The following CACNA2D1 variants were observed in gnomAD, a reference collection of about 807,000 sequenced individuals.
The protein encoded by CACNA2D1 is voltage-dependent calcium channel subunit alpha-2/delta-1.
A neutral mutation model predicts 171.5 loss-of-function variants in CACNA2D1; 53 were observed. The observed-to-expected ratio is 0.31, with a 90% CI of 0.25 to 0.39. The LOEUF (loss-of-function observed/expected upper bound fraction) is 0.39, where lower values mean the gene tolerates loss of function less well. Among genes scored for constraint, CACNA2D1 ranks in the 10% least tolerant of loss-of-function variants. The probability of loss-of-function intolerance (pLI) is 1.00; values close to 1 mark genes in which losing one functional copy is unlikely to be tolerated. For synonymous variants in CACNA2D1, 442 were observed against 443.1 expected, an observed-to-expected ratio of 1.00 and a Z score of 0.03; for missense variants, 903 against 1,299.8, an observed-to-expected ratio of 0.69 and a Z score of 4.69.
intron 11 of CACNA2D1, among the ~76,000 whole-genome samples, chr7:82,037,746 T>C (rs1244092831): frequency 1.3e-5 from 2 of 152,112 alleles, no homozygotes; most frequent in Admixed American, 6.6e-5. Flanking sequence ...ATAAATACTG[T>C]GGTGATTGAG....
At chr7:82,375,292 C>T (rs1822892579) in intron 1 of CACNA2D1, among the ~76,000 whole-genome samples, 1 of 152,172 alleles carries the variant, frequency 6.6e-6, no homozygotes, top group African/African-American at 2.4e-5. Context: ...AATGCAGTCA[C>T]TGGTGGCTGC....
chr7:82,105,698 G>A (rs1450615200), intron 6 of CACNA2D1, among the ~76,000 whole-genome samples: 9 of 151,948 alleles, frequency 5.9e-5, no homozygotes, highest in African/African-American at 1.7e-4. Flanking sequence ...TATGAGGGAC[G>A]ATGATTACTA....
intron 1 of CACNA2D1, among the ~76,000 whole-genome samples, chr7:82,424,942 A>G (rs962963409): frequency 4.6e-5 from 7 of 152,234 alleles, no homozygotes; most frequent in Non-Finnish European, 7.3e-5. Context: ...GCTGTCTAAT[A>G]TAACACTTGT....
At chr7:82,007,811 C>T (rs1799287053) in intron 15 of CACNA2D1, 55 bp from the exon 16 acceptor site, 2 of 993,354 alleles carry the variant, frequency 2.0e-6, no homozygotes, top group Non-Finnish European at 3.2e-6. Flanking sequence ...TAAGCTTTGT[C>T]AGAGTGCACT....
rs1315006613 is a variant in CACNA2D1 at position 82,111,290 on chromosome 7, GGGTATATA to G, written c.526+5746_526+5753del. ...TATACACACACATATATATATGTCT[GGGTATATA>G]TATATATATATATATACGTGTATAT... On this transcript the variant is annotated intron_variant, in intron 6 of 38. Coordinates refer to ENST00000356860, the MANE Select transcript of CACNA2D1 (RefSeq NM_000722.4). Among the ~76,000 whole-genome samples, 94 of 75,260 alleles carry G rather than the reference GGGTATATA, an allele frequency of 1.2e-3. 1 individual carries two copies. The highest frequency in any genetic ancestry group is 9.5e-3 in the African/African-American group (90 of 9,452). The allele number at this position is 75,260 out of a possible 152,430, so 49.4% of individuals were successfully genotyped here. A position where few individuals can be genotyped will look rare whatever the true frequency, so the allele number is the denominator to read the frequency against.
intron 3 of CACNA2D1, among the ~76,000 whole-genome samples, chr7:82,289,190 A>G (rs978209921): frequency 6.6e-6 from 1 of 152,192 alleles, no homozygotes; most frequent in Non-Finnish European, 1.5e-5. Context: ...AAAGTACAAT[A>G]AGACCTAGTC....
chr7:82,063,849 TA>T (rs1807260175), intron 9 of CACNA2D1, among the ~76,000 whole-genome samples: 1 of 151,738 alleles, frequency 6.6e-6, no homozygotes, highest in Admixed American at 6.6e-5. Flanking sequence ...ATTTCACTTT[TA>T]AAAGTCCCAG....
chr7:82,001,726 AG>A, intron 18 of CACNA2D1: 2 of 1,182,452 alleles, frequency 1.7e-6, no homozygotes, highest in Non-Finnish European at 2.3e-6. Context: ...CTGAAGCAAC[AG>A]AAAAATGGTA....
At chr7:82,106,142 A>G (rs1023579704) in intron 6 of CACNA2D1, among the ~76,000 whole-genome samples, 1 of 152,188 alleles carries the variant, frequency 6.6e-6, no homozygotes. Context: ...TTTATAGTCC[A>G]TTTAAAATCT....
At chr7:82,111,284 A>G (rs1028155417) in intron 6 of CACNA2D1, among the ~76,000 whole-genome samples, 3 of 101,954 alleles carry the variant, frequency 2.9e-5, no homozygotes, top group African/African-American at 1.0e-4. Context: ...ACATATATAT[A>G]TGTCTGGGTA....
chr7:82,103,657 G>T (rs756725236), intron 6 of CACNA2D1, among the ~76,000 whole-genome samples: 12 of 132,732 alleles, frequency 9.0e-5, no homozygotes, highest in Non-Finnish European at 1.7e-4. Context: ...ATAAACATTT[G>T]TGTGTGTATA....
At chr7:82,165,342 A>G (rs1220884368) in intron 4 of CACNA2D1, among the ~76,000 whole-genome samples, 1 of 152,014 alleles carries the variant, frequency 6.6e-6, no homozygotes, top group Admixed American at 6.6e-5. Flanking sequence ...CCACTGTACT[A>G]TCACGTACTA....
chr7:82,343,851 C>T (rs1472534993), intron 2 of CACNA2D1, among the ~76,000 whole-genome samples: 1 of 152,166 alleles, frequency 6.6e-6, no homozygotes, highest in Middle Eastern at 3.2e-3. Flanking sequence ...TTTAATGTCT[C>T]TAACCCCAAA....
At chr7:82,246,864 T>C (rs969264002) in intron 3 of CACNA2D1, among the ~76,000 whole-genome samples, 15 of 152,120 alleles carry the variant, frequency 9.9e-5, no homozygotes, top group African/African-American at 1.9e-4. Context: ...CAACATATTA[T>C]TCATTCTTAC....
chr7:82,183,790 C>T (rs1311990917), intron 3 of CACNA2D1, among the ~76,000 whole-genome samples: 2 of 152,070 alleles, frequency 1.3e-5, no homozygotes, highest in Admixed American at 6.6e-5. Flanking sequence ...CTGTGGTCAA[C>T]GTACGTTACG....
chr7:82,299,905 C>G lies in CACNA2D1; in HGVS notation c.294+35230G>C, dbSNP rs1363807157. 3.9e-5 allele frequency among the ~76,000 whole-genome samples: 6 copies of G among 152,088 alleles called. No individual in the cohort carries two copies. The East Asian group carries it at 1.2e-3, about 29-fold the overall frequency. ...TCATTCAGTAAATATTTATAGAACACCCACTATATATCAGGAACGATGTTA... is the reference window on the plus strand; with the variant it reads ...TCATTCAGTAAATATTTATAGAACAGCCACTATATATCAGGAACGATGTTA... On this transcript the variant is annotated intron_variant, in intron 3 of 38. Transcript: ENST00000356860.
At chr7:82,129,786 G>C (rs1026015008) in intron 5 of CACNA2D1, among the ~76,000 whole-genome samples, 2 of 152,128 alleles carry the variant, frequency 1.3e-5, no homozygotes, top group South Asian at 2.1e-4. Flanking sequence ...ATGAAGAAAG[G>C]CCTATCTAGT....
intron 1 of CACNA2D1, among the ~76,000 whole-genome samples, chr7:82,398,905 T>G (rs1441084453): frequency 6.6e-6 from 1 of 151,956 alleles, no homozygotes; most frequent in Non-Finnish European, 1.5e-5. Flanking sequence ...TTTTCCTTCC[T>G]TCTACCCTTC....
At chr7:82,407,133 C>T (rs1334872571) in intron 1 of CACNA2D1, among the ~76,000 whole-genome samples, 2 of 152,208 alleles carry the variant, frequency 1.3e-5, no homozygotes, top group Non-Finnish European at 2.9e-5. Flanking sequence ...AAATTAACAA[C>T]TGCCTGACAG....
Sources: allele counts gnomAD v4.1 joint callset (sites outside exome capture counted in the v4.1 genomes callset), GRCh38; gene constraint gnomAD v4.1.1; transcripts MANE v1.5; gene names NCBI Gene and HGNC (gene_info 2026-07-23, HGNC 2026-07-21).